Variants in PLCXD2 observed in about 807,000 individuals in gnomAD.
PLCXD2 encodes phosphatidylinositol specific phospholipase C X domain containing 2.
A neutral mutation model predicts 28.6 loss-of-function variants in PLCXD2; 21 were observed. That is an observed-to-expected ratio of 0.73 (90% confidence interval 0.52 to 1.06). The LOEUF is 1.06. Among genes scored for constraint, PLCXD2 ranks in the 50% least tolerant of loss-of-function variants. PLCXD2 has a pLI of 0.00. For missense variants in PLCXD2, 369 were observed against 376.7 expected (o/e 0.98, Z 0.17); for synonymous variants, 140 against 150.1 (o/e 0.93, Z 0.49).
At chr3:111,706,044 G>C (rs1247769503) in intron 1 of PLCXD2, among the ~76,000 whole-genome samples, 2 of 152,028 alleles carry the variant, frequency 1.3e-5, no homozygotes, top group African/African-American at 4.8e-5. Flanking sequence ...TTTTTGTAGA[G>C]ATAGGGTTTC....
intron 2 of PLCXD2, among the ~76,000 whole-genome samples, chr3:111,712,438 A>G (rs1941212010): frequency 6.6e-6 from 1 of 152,098 alleles, no homozygotes; most frequent in Non-Finnish European, 1.5e-5. Flanking sequence ...ACACCTCTAC[A>G]AGGAAATCCT....
intron 1 of PLCXD2, 61 bp from the exon 2 acceptor site, chr3:111,707,865 T>A: frequency 7.0e-7 from 1 of 1,437,504 alleles, no homozygotes; most frequent in Non-Finnish European, 9.4e-7. Context: ...TTCTCATCAA[T>A]TGGCTTATTT....
At chr3:111,725,204 G>A (rs189864405) in intron 3 of PLCXD2, 2 of 156,282 alleles carry the variant, frequency 1.3e-5, no homozygotes, top group African/African-American at 4.8e-5. Context: ...GACTTGTTAT[G>A]CCAAGAGGAA....
At chr3:111,679,833 C>T (rs1001190349) in intron 1 of PLCXD2, among the ~76,000 whole-genome samples, 2 of 152,166 alleles carry the variant, frequency 1.3e-5, no homozygotes, top group Admixed American at 6.5e-5. Flanking sequence ...GATTCTTTCA[C>T]CCAACATCCC....
intron 1 of PLCXD2, among the ~76,000 whole-genome samples, chr3:111,690,567 A>C (rs1166587742): frequency 6.6e-6 from 1 of 152,190 alleles, no homozygotes; most frequent in Non-Finnish European, 1.5e-5. Flanking sequence ...CTCTCAGAAC[A>C]CTGGTCTTCA....
intron 3 of PLCXD2, among the ~76,000 whole-genome samples, chr3:111,714,714 A>G (rs562511925): frequency 9.9e-4 from 151 of 152,346 alleles, no homozygotes; most frequent in Non-Finnish European, 2.1e-3. Flanking sequence ...CCGGACACCA[A>G]TGAATGATAG....
In PLCXD2 at chr3:111,703,207, G is replaced by A. The variant is rs998647441; in HGVS notation, c.164-4719G>A. 3.3e-5 allele frequency among the ~76,000 whole-genome samples: 5 copies of A among 152,200 alleles called. No individual in the cohort carries two copies. In the East Asian group the frequency reaches 5.8e-4, roughly 18 times the overall value. ...CTGTCCTGTCCTGTCCTGTAAAGGG[G>A]GTTGGAGGGATGCAGGGATGGTGCT... On this transcript the variant is annotated intron_variant, in intron 1 of 4. Transcript: ENST00000477665.
Position 111,708,162 on chromosome 3 carries a change from C to CT in PLCXD2, c.405dup (p.Gly136TrpfsTer12). On this transcript the variant is annotated frameshift_variant, in exon 2 of 5. Transcript: ENST00000477665. LOFTEE classifies it high-confidence loss of function. ...CCAGGAGATCTACTTCATCCATGGG[C>CT]TTTTTGGCATCAAGGTCTGGGATGG... is the stretch of plus-strand genomic sequence containing the variant. 1 of 1,614,180 alleles carries CT rather than the reference C, an allele frequency of 6.2e-7. No individual in the cohort carries two copies. The highest frequency in any genetic ancestry group is 8.5e-7 in the Non-Finnish European group (1 of 1,180,032).
At chr3:111,712,267 G>A (rs1941209143) in intron 2 of PLCXD2, among the ~76,000 whole-genome samples, 1 of 152,198 alleles carries the variant, frequency 6.6e-6, no homozygotes, top group African/African-American at 2.4e-5. Context: ...GCAGAGTAAA[G>A]AATGGCACAG....
intron 1 of PLCXD2, among the ~76,000 whole-genome samples, chr3:111,682,020 A>G (rs1940724300): frequency 6.6e-6 from 1 of 152,218 alleles, no homozygotes; most frequent in Admixed American, 6.5e-5. Flanking sequence ...GATTATTTGT[A>G]GACATTGTAA....
intron 1 of PLCXD2, among the ~76,000 whole-genome samples, chr3:111,691,743 T>C (rs1273459471): frequency 1.3e-5 from 2 of 152,232 alleles, no homozygotes; most frequent in East Asian, 3.9e-4. Context: ...GACCTGGGTC[T>C]ATGTCCCGGG....
chr3:111,713,481 C>G (rs1465644210), intron 2 of PLCXD2, among the ~76,000 whole-genome samples: 2 of 152,154 alleles, frequency 1.3e-5, no homozygotes, highest in African/African-American at 4.8e-5. Context: ...AGACTTACAA[C>G]AAAATATTTT....
intron 1 of PLCXD2, among the ~76,000 whole-genome samples, chr3:111,688,899 A>G (rs1157807416): frequency 1.3e-5 from 2 of 152,000 alleles, no homozygotes; most frequent in African/African-American, 4.8e-5. Context: ...TATGTTATAT[A>G]TATATATAGC....
chr3:111,692,831 C>G (rs1940907480), intron 1 of PLCXD2, among the ~76,000 whole-genome samples: 2 of 152,180 alleles, frequency 1.3e-5, no homozygotes, highest in South Asian at 4.1e-4. Flanking sequence ...GTTCCCTCCC[C>G]CTCTGACCTT....
intron 1 of PLCXD2, among the ~76,000 whole-genome samples, chr3:111,681,192 G>A (rs990485955): frequency 2.6e-4 from 40 of 152,154 alleles, no homozygotes; most frequent in Non-Finnish European, 5.9e-5. Context: ...GGGTTCCCCA[G>A]GATGTGAGTG....
At chr3:111,717,139 G>A (rs561035638) in intron 3 of PLCXD2, among the ~76,000 whole-genome samples, 6 of 152,124 alleles carry the variant, frequency 3.9e-5, no homozygotes, top group South Asian at 2.1e-4. Context: ...CAGGGTGGCC[G>A]TGGACAAGTT....
intron 1 of PLCXD2, among the ~76,000 whole-genome samples, chr3:111,705,794 T>A (rs1156959329): frequency 6.6e-6 from 1 of 152,152 alleles, no homozygotes. Flanking sequence ...TTGTTTACTA[T>A]TTATATGGTT....
chr3:111,693,339 G>C (rs1444619299), intron 1 of PLCXD2, among the ~76,000 whole-genome samples: 1 of 152,196 alleles, frequency 6.6e-6, no homozygotes, highest in Admixed American at 6.5e-5. Flanking sequence ...TGTGGCTACG[G>C]AGGAGCAGAG....
chr3:111,684,947 G>A (rs1460160626), intron 1 of PLCXD2, among the ~76,000 whole-genome samples: 3 of 152,140 alleles, frequency 2.0e-5, no homozygotes, highest in Non-Finnish European at 4.4e-5. Context: ...AAGGTGCAAG[G>A]GGCTTGGGTG....
Sources: gnomAD v4.1 joint callset for allele counts (sites outside exome capture counted in the v4.1 genomes callset) on GRCh38, gnomAD v4.1.1 for gene constraint, MANE v1.5 for transcripts, NCBI Gene and HGNC (gene_info 2026-07-23, HGNC 2026-07-21) for gene names.